Variants in ABCB9 observed in about 807,000 individuals in gnomAD.
The protein encoded by ABCB9 is ATP binding cassette subfamily B member 9.
In ABCB9, 36 loss-of-function variants were observed where a neutral mutation model predicts 62.0. The observed-to-expected ratio is 0.58, with a 90% confidence interval of 0.45 to 0.77. The LOEUF (loss-of-function observed/expected upper bound fraction) is 0.77, where lower values mean the gene tolerates loss of function less well. Among genes scored for constraint, ABCB9 ranks in the 30% least tolerant of loss-of-function variants. The pLI is 0.00. For synonymous variants in ABCB9, 435 were observed against 461.4 expected, an observed-to-expected ratio of 0.94 and a Z score of 0.73; for missense variants, 943 against 1,054.7, an observed-to-expected ratio of 0.89 and a Z score of 1.47.
At chr12:122,960,527 C>G (rs1291044560) in intron 1 of ABCB9, among the ~76,000 whole-genome samples, 2 of 152,104 alleles carry the variant, frequency 1.3e-5, no homozygotes, top group Non-Finnish European at 2.9e-5. Context: ...GTTCTTTGTT[C>G]TTTGTCATGA....
chr12:122,972,037 CTTTTTTTT>C (rs57112984), intron 1 of ABCB9, among the ~76,000 whole-genome samples: 1 of 99,270 alleles, frequency 1.0e-5, no homozygotes, highest in Admixed American at 1.3e-4. Context: ...TTCATAATGT[CTTTTTTTT>C]TTTTTTTTTT....
In ABCB9 at chr12:122,940,146, T is replaced by C. The variant is rs775039652; in HGVS notation, c.1708A>G (p.Ile570Val). Residue 570 changes from isoleucine to valine, a missense_variant, in exon 9 of 12, where the codon ATC (isoleucine) becomes GTC (valine). Transcript: ENST00000280560. The surrounding 1 kb of genome is among the most constrained non-coding windows in gnomAD (Gnocchi z 4.8). ...GGRVLLDGKP[I>V]SAYDHKYLHR... ...AAGTACTTGTGGTCGTAGGCGCTGA[T>C]GGGCTTGCCGTCCAGCAGCACCCGG... 1.2e-6 allele frequency: 2 copies of C among 1,613,148 alleles called. No homozygotes were observed. The highest frequency in any genetic ancestry group is 2.2e-5 in the East Asian group (1 of 44,862).
At chr12:122,922,111 C>T (rs1164232321) in intron 11 of ABCB9, among the ~76,000 whole-genome samples, 1 of 152,066 alleles carries the variant, frequency 6.6e-6, no homozygotes, top group East Asian at 1.9e-4. Flanking sequence ...TTAACGACTG[C>T]TATTTTCAGT....
At chr12:122,923,466 T>C (rs1391166937) in intron 11 of ABCB9, among the ~76,000 whole-genome samples, 2 of 152,074 alleles carry the variant, frequency 1.3e-5, no homozygotes, top group Admixed American at 1.3e-4. Flanking sequence ...TTTTTTTGTA[T>C]TTTTAGTAGA....
intron 2 of ABCB9, among the ~76,000 whole-genome samples, chr12:122,958,974 A>G (rs1027200714): frequency 5.3e-5 from 8 of 150,944 alleles, no homozygotes; most frequent in African/African-American, 1.9e-4. Flanking sequence ...GGCTCAGGCA[A>G]TCTTCCCACC....
chr12:122,924,328 CTA>C (rs1190698073), downstream of ABCB9, among the ~76,000 whole-genome samples: 9 of 152,330 alleles, frequency 5.9e-5, no homozygotes, highest in East Asian at 5.8e-4. Context: ...TGTTTTCACA[CTA>C]TGTTACGGCA....
intron 1 of ABCB9, among the ~76,000 whole-genome samples, chr12:122,962,282 G>T (rs1007162308): frequency 1.3e-5 from 2 of 152,154 alleles, no homozygotes; most frequent in Non-Finnish European, 2.9e-5. Context: ...TGTGTCCCTG[G>T]GTGCTACCTC....
intron 2 of ABCB9, among the ~76,000 whole-genome samples, chr12:122,953,297 C>A (rs1231541107): frequency 6.6e-6 from 1 of 151,970 alleles, no homozygotes. Flanking sequence ...ACTGCAACCT[C>A]CACTTCCTGG....
chr12:122,947,778 C>T lies in ABCB9; in HGVS notation c.1053+846G>A, dbSNP rs1232292112. 5 of 170,150 alleles carry T rather than the reference C, an allele frequency of 2.9e-5. No individual in the cohort carries two copies. Among genetic ancestry groups the T allele is most frequent in the East Asian group, 1.7e-4 (1 of 5,972 alleles). The allele number at this position is 170,150 out of a possible 1,614,324, so 10.5% of individuals were successfully genotyped here. A position where few individuals can be genotyped will look rare whatever the true frequency, so the allele number is the denominator to read the frequency against. Reference sequence around the variant, plus strand: ...CAGCGGGCCCGCGATGGCATCACAGCGGGCCCGCACCACCCCCACATACAC... The same window carrying T: ...CAGCGGGCCCGCGATGGCATCACAGTGGGCCCGCACCACCCCCACATACAC... On this transcript the variant is annotated intron_variant, in intron 5 of 11. Transcript: ENST00000280560. This position sits in a 1 kb window ranked among gnomAD's most constrained non-coding sequence, Gnocchi z 6.0.
At position 122,929,930 on chromosome 12, in the gene ABCB9, T is replaced by C. The variant is rs150148596; in HGVS notation, c.2282A>G (p.Asn761Ser). ...CCCCCATCAGGCCTTGTGACTGCCG[T>C]TGGCTACAGGCTCGTTGTGGCCAGC... Reference protein sequence around the residue: ...FTAGHNEPVANGSHKA With the variant: ...FTAGHNEPVASGSHKA The change falls in exon 12 of 12, where the codon AAC (asparagine) becomes AGC (serine). Residue 761 changes from asparagine to serine, a missense_variant. By Grantham distance (46) the Asn-to-Ser change is conservative. Coordinates refer to ENST00000280560, the MANE Select transcript of ABCB9 (RefSeq NM_019625.4). The surrounding 1 kb of genome is among the most constrained non-coding windows in gnomAD (Gnocchi z 6.0). The C allele has an allele frequency of 6.4e-7, 1 of 1,561,120 alleles. No homozygotes were observed. Among genetic ancestry groups the C allele is most frequent in the Non-Finnish European group, 8.7e-7 (1 of 1,150,916 alleles).
intron 2 of ABCB9, among the ~76,000 whole-genome samples, chr12:122,954,269 T>C (rs1347907372): frequency 6.6e-6 from 1 of 152,020 alleles, no homozygotes; most frequent in African/African-American, 2.4e-5. Flanking sequence ...GATGCAATGG[T>C]GCGATCTCCA....
intron 11 of ABCB9, among the ~76,000 whole-genome samples, chr12:122,923,417 G>C (rs942730977): frequency 6.6e-6 from 1 of 152,190 alleles, no homozygotes; most frequent in African/African-American, 2.4e-5. Flanking sequence ...CTCCCGAGTA[G>C]CTGGGACTAC....
chr12:122,957,496 CGTT>C (rs970495752), intron 2 of ABCB9, among the ~76,000 whole-genome samples: 4 of 152,052 alleles, frequency 2.6e-5, no homozygotes, highest in Non-Finnish European at 5.9e-5. Flanking sequence ...GCCCAGGCCT[CGTT>C]GCCCCCAGAA....
Position 122,940,738 on chromosome 12 carries a change from T to G in ABCB9, c.1569+69A>C. On this transcript the variant is annotated intron_variant, in intron 8 of 11. Transcript: ENST00000280560. The surrounding 1 kb of genome is among the most constrained non-coding windows in gnomAD (Gnocchi z 4.8). ...CCAGCTGCCCTGCCACAGCCTGGTG[T>G]ATAGGAGGTGCACCAGAAATGGGGT... is the stretch of plus-strand genomic sequence containing the variant. 6.8e-7 allele frequency: 1 copy of G among 1,462,800 alleles called. No homozygotes were observed. The highest frequency in any genetic ancestry group is 9.2e-7 in the Non-Finnish European group (1 of 1,090,422). The allele number at this position is 1,462,800 out of a possible 1,614,324, so 90.6% of individuals were successfully genotyped here.
At chr12:122,928,980 A>G, downstream of ABCB9, 1 of 985,602 alleles carries the variant, frequency 1.0e-6, no homozygotes, top group Non-Finnish European at 1.2e-6. Context: ...TGGCCCAAGT[A>G]GAAGTCAGAG....
rs948303596 is a variant in ABCB9 at position 122,940,401 on chromosome 12, G to A, written c.1570-117C>T. On this transcript the variant is annotated intron_variant, in intron 8 of 11. Coordinates refer to ENST00000280560, the MANE Select transcript of ABCB9 (RefSeq NM_019625.4). This position sits in a 1 kb window ranked among gnomAD's most constrained non-coding sequence, Gnocchi z 4.8. Reference sequence around the variant, plus strand: ...AGCCCACCCCATGTGCCTCTCCCTCGCTTGGGCACTGCTGGCCCCTAAACG... The same window carrying A: ...AGCCCACCCCATGTGCCTCTCCCTCACTTGGGCACTGCTGGCCCCTAAACG... 23 of 1,215,098 alleles carry A rather than the reference G, an allele frequency of 1.9e-5. No homozygotes were observed. Among genetic ancestry groups the A allele is most frequent in the Admixed American group, 8.4e-5 (3 of 35,520 alleles). The allele number at this position is 1,215,098 out of a possible 1,614,324, so 75.3% of individuals were successfully genotyped here.
exon 12 of ABCB9, chr12:122,920,991 T>C: frequency 6.5e-7 from 1 of 1,531,486 alleles, no homozygotes; most frequent in South Asian, 1.2e-5. Flanking sequence ...GTTATCATTG[T>C]CATCATCATC....
At chr12:122,974,532 T>C (rs138546002) in intron 1 of ABCB9, 114 of 152,392 alleles carry the variant, frequency 7.5e-4, no homozygotes, top group African/African-American at 2.6e-3. Context: ...AAAGGTTTAA[T>C]GCTGGTAGAT....
downstream of ABCB9, chr12:122,924,607 G>A (rs2034838543): frequency 7.0e-7 from 1 of 1,425,208 alleles, no homozygotes. Flanking sequence ...GAATACAGCA[G>A]TGATGAAGAC....
Sources: allele counts gnomAD v4.1 joint callset (sites outside exome capture counted in the v4.1 genomes callset), GRCh38; gene constraint gnomAD v4.1.1; non-coding constraint Gnocchi (gnomAD v3.1); transcripts MANE v1.5; gene names NCBI Gene and HGNC (gene_info 2026-07-23, HGNC 2026-07-21).